SLC12A8: variants seen among roughly 807,000 people sequenced by gnomAD.
SLC12A8 encodes solute carrier family 12 member 8, also known as cation-chloride cotransporter 9.
SLC12A8 carries 69 observed loss-of-function variants against 75.6 expected under a neutral mutation model. That is an observed-to-expected ratio of 0.91 (90% CI 0.75 to 1.11). The LOEUF (loss-of-function observed/expected upper bound fraction) is 1.11, where lower values mean the gene tolerates loss of function less well. SLC12A8 is among the 50% of genes most tolerant of loss of function. The pLI, the probability that SLC12A8 is intolerant of heterozygous loss-of-function variation, is 0.00. For synonymous variants in SLC12A8, 365 were observed against 372.8 expected (o/e 0.98, Z 0.24); for missense variants, 877 against 896.7 (o/e 0.98, Z 0.28).
intron 5 of SLC12A8, among the ~76,000 whole-genome samples, chr3:125,158,740 A>T (rs1375117766): frequency 6.6e-6 from 1 of 152,232 alleles, no homozygotes; most frequent in Admixed American, 6.5e-5. Context: ...GTCACCATGC[A>T]AATTCACAGT....
intron 6 of SLC12A8, among the ~76,000 whole-genome samples, chr3:125,131,401 T>G (rs9813946): frequency 0.27 from 40,976 of 152,076 alleles, 5,860 homozygotes; most frequent in Non-Finnish European, 0.31. Flanking sequence ...TTTTTTTATT[T>G]TTTGAGACAG....
chr3:125,115,321 A>G (rs1170628014), intron 8 of SLC12A8, among the ~76,000 whole-genome samples: 2 of 152,172 alleles, frequency 1.3e-5, no homozygotes, highest in East Asian at 3.9e-4. Flanking sequence ...CAGGAGTTCG[A>G]GACCAGCCTG....
intron 7 of SLC12A8, 76 bp from the exon 8 acceptor site, chr3:125,118,932 T>G: frequency 1.0e-6 from 1 of 985,542 alleles, no homozygotes; most frequent in Non-Finnish European, 1.6e-6. Context: ...TCACTCAACC[T>G]TCTGTTTCCA....
At chr3:125,125,665 G>A (rs1933187529) in intron 6 of SLC12A8, among the ~76,000 whole-genome samples, 1 of 152,120 alleles carries the variant, frequency 6.6e-6, no homozygotes, top group African/African-American at 2.4e-5. Context: ...CACAGATGAG[G>A]CAACGGAGGC....
chr3:125,160,829 GGAGGGAGC>G (rs1934150932), intron 5 of SLC12A8, among the ~76,000 whole-genome samples: 1 of 135,664 alleles, frequency 7.4e-6, no homozygotes, highest in Non-Finnish European at 1.6e-5. Flanking sequence ...CATGGGACTC[GGAGGGAGC>G]TGCACGGGGG....
At chr3:125,211,230 C>T in intron 2 of SLC12A8, 69 bp downstream of exon 2, 1 of 1,291,908 alleles carries the variant, frequency 7.7e-7, no homozygotes, top group Non-Finnish European at 1.1e-6. Flanking sequence ...TGTTTGCATC[C>T]AGCCCACTGT....
At chr3:125,128,890 C>T (rs767157090) in intron 6 of SLC12A8, among the ~76,000 whole-genome samples, 1 of 152,122 alleles carries the variant, frequency 6.6e-6, no homozygotes, top group African/African-American at 2.4e-5. Context: ...CACTAACAGC[C>T]GGGCTGAGGG....
Position 125,084,002 on chromosome 3 carries a change from T to C in SLC12A8, c.2033A>G (p.Lys678Arg). 1 of 1,613,438 alleles carries C rather than the reference T, an allele frequency of 6.2e-7. No homozygotes were observed. The highest frequency in any genetic ancestry group is 8.5e-7 in the Non-Finnish European group (1 of 1,179,814). Residue 678 changes from lysine (K) to arginine (R), a missense_variant, in exon 14 of 14, where the codon AAG becomes AGG. Physicochemically the swap from Lys to Arg is conservative, Grantham distance 26. Coordinates refer to ENST00000469902, the MANE Select transcript of SLC12A8 (RefSeq NM_024628.6). ...EQIILAPSLA[K>R]VDMEMTQLTQ... Reference sequence around the variant, plus strand: ...GAGCTGAGTCATCTCCATGTCAACCTTAGCCAGGGACGGCGCCAAGATGAT... The same window carrying C: ...GAGCTGAGTCATCTCCATGTCAACCCTAGCCAGGGACGGCGCCAAGATGAT...
At chr3:125,182,767 A>G (rs1282976119) in intron 4 of SLC12A8, among the ~76,000 whole-genome samples, 1 of 152,162 alleles carries the variant, frequency 6.6e-6, no homozygotes, top group African/African-American at 2.4e-5. Context: ...TGGCCTCCCA[A>G]AGTTCTGGGA....
At position 125,102,681 on chromosome 3, in the gene SLC12A8, G is replaced by A. The variant is rs191758510; in HGVS notation, c.1705+4800C>T. ...TTCTAAGACTAGGCAGCTGGACAGC[G>A]ACCACTTCCTTGATTAAACATTGCA... is the stretch of plus-strand genomic sequence containing the variant. On this transcript the variant is annotated intron_variant, in intron 10 of 13. Coordinates refer to ENST00000469902, the MANE Select transcript of SLC12A8 (RefSeq NM_024628.6). Among the ~76,000 whole-genome samples the A allele has an allele frequency of 3.5e-4, 53 of 152,234 alleles. No homozygotes were observed. In the East Asian group the frequency reaches 7.0e-3, roughly 20 times the overall value.
intron 2 of SLC12A8, among the ~76,000 whole-genome samples, chr3:125,207,864 G>T (rs915439764): frequency 6.6e-6 from 1 of 152,224 alleles, no homozygotes; most frequent in African/African-American, 2.4e-5. Context: ...TGTGCGATCG[G>T]CTTCATCCAA....
At chr3:125,134,418 AT>A (rs1256679986) in intron 6 of SLC12A8, among the ~76,000 whole-genome samples, 6 of 152,068 alleles carry the variant, frequency 3.9e-5, no homozygotes, top group African/African-American at 1.4e-4. Flanking sequence ...CCAGTTATTT[AT>A]TTTTATTATT....
intron 5 of SLC12A8, among the ~76,000 whole-genome samples, chr3:125,175,107 G>T (rs2107786614): frequency 6.6e-6 from 1 of 152,234 alleles, no homozygotes; most frequent in African/African-American, 2.4e-5. Flanking sequence ...ACCTAAAACT[G>T]CTCTAAAAGT....
chr3:125,090,624 T>G (rs1938560846), intron 12 of SLC12A8, among the ~76,000 whole-genome samples: 1 of 152,240 alleles, frequency 6.6e-6, no homozygotes, highest in Non-Finnish European at 1.5e-5. Context: ...ATGTTAAGCT[T>G]TGTTATGTCT....
intron 10 of SLC12A8, among the ~76,000 whole-genome samples, chr3:125,093,910 G>T (rs1402231163): frequency 6.6e-6 from 1 of 152,006 alleles, no homozygotes; most frequent in Non-Finnish European, 1.5e-5. Flanking sequence ...TTCTTCTCTT[G>T]CTTGTTAAAT....
chr3:125,201,771 A>T (rs1935126091), intron 2 of SLC12A8, among the ~76,000 whole-genome samples: 1 of 152,102 alleles, frequency 6.6e-6, no homozygotes, highest in South Asian at 2.1e-4. Flanking sequence ...TTTTCACGTC[A>T]AGCGCACCCA....
chr3:125,196,986 G>T (rs1157389576), intron 2 of SLC12A8, among the ~76,000 whole-genome samples: 8 of 152,186 alleles, frequency 5.3e-5, no homozygotes. Context: ...AACATACCTA[G>T]CACCCAGATC....
At chr3:125,138,845 AACACAC>A (rs3061221) in intron 5 of SLC12A8, among the ~76,000 whole-genome samples, 28,272 of 137,662 alleles carry the variant, frequency 0.21, 2,985 homozygotes, top group East Asian at 0.32. Context: ...CCTTCTACAA[AACACAC>A]ACACACACAC....
chr3:125,206,642 G>A (rs1935231971), intron 2 of SLC12A8: 1 of 152,232 alleles, frequency 6.6e-6, no homozygotes, highest in Non-Finnish European at 1.5e-5. Flanking sequence ...TACGTGCATT[G>A]CTATAAAGAA....
Sources: gnomAD v4.1 joint callset for allele counts (sites outside exome capture counted in the v4.1 genomes callset) on GRCh38, gnomAD v4.1.1 for gene constraint, MANE v1.5 for transcripts, NCBI Gene and HGNC (gene_info 2026-07-23, HGNC 2026-07-21) for gene names.